KHDRBS3: variants seen among roughly 807,000 people sequenced by gnomAD.
KHDRBS3 encodes the protein KH RNA binding domain containing, signal transduction associated 3.
A neutral mutation model predicts 45.6 loss-of-function variants in KHDRBS3; 23 were observed. The observed-to-expected ratio is 0.50, with a 90% CI of 0.36 to 0.72. The LOEUF is 0.72. Among genes scored for constraint, KHDRBS3 ranks in the 30% least tolerant of loss-of-function variants. KHDRBS3 has a pLI of 0.00. For synonymous variants in KHDRBS3, 162 were observed against 156.5 expected, an observed-to-expected ratio of 1.04 and a Z score of -0.26; for missense variants, 352 against 424.8, an observed-to-expected ratio of 0.83 and a Z score of 1.51.
At chr8:135,590,108 G>A (rs1828679401) in intron 6 of KHDRBS3, among the ~76,000 whole-genome samples, 1 of 152,182 alleles carries the variant, frequency 6.6e-6, no homozygotes, top group Non-Finnish European at 1.5e-5. Context: ...AAACTTAGAT[G>A]GTAGAGCCCA....
chr8:135,533,837 A>G (rs750667636), intron 2 of KHDRBS3, among the ~76,000 whole-genome samples: 2 of 152,204 alleles, frequency 1.3e-5, no homozygotes, highest in Non-Finnish European at 2.9e-5. Flanking sequence ...TACCTTAAAT[A>G]TGTTCGGAAC....
intron 7 of KHDRBS3, among the ~76,000 whole-genome samples, chr8:135,623,858 A>T (rs1263418016): frequency 6.6e-6 from 1 of 152,218 alleles, no homozygotes; most frequent in Non-Finnish European, 1.5e-5. Context: ...CTTTCTACAC[A>T]CATTTTAGGA....
chr8:135,556,824 G>A (rs1338522773), intron 4 of KHDRBS3, among the ~76,000 whole-genome samples: 2 of 152,150 alleles, frequency 1.3e-5, no homozygotes, highest in African/African-American at 4.8e-5. Flanking sequence ...CACTCCTAGA[G>A]TTTCGTAGTT....
chr8:135,530,407 G>A (rs530021021), intron 2 of KHDRBS3, among the ~76,000 whole-genome samples: 12 of 152,256 alleles, frequency 7.9e-5, no homozygotes, highest in Middle Eastern at 3.4e-3. Flanking sequence ...AATTCATGCC[G>A]TAGATTGAAC....
chr8:135,483,654 G>A (rs1435530467), intron 1 of KHDRBS3, among the ~76,000 whole-genome samples: 3 of 152,186 alleles, frequency 2.0e-5, no homozygotes, highest in Admixed American at 2.0e-4. Flanking sequence ...GGATATTTGT[G>A]TGATGAGGGC....
At chr8:135,588,364 T>TCG (rs899712568) in intron 6 of KHDRBS3, among the ~76,000 whole-genome samples, 22 of 152,228 alleles carry the variant, frequency 1.4e-4, no homozygotes, top group African/African-American at 4.8e-4. Context: ...GCAGCCACCC[T>TCG]CGCGCGGCAC....
At chr8:135,572,791 A>T in intron 5 of KHDRBS3, among the ~76,000 whole-genome samples, 1 of 152,252 alleles carries the variant, frequency 6.6e-6, no homozygotes, top group East Asian at 1.9e-4. Flanking sequence ...TTTAGTCTTC[A>T]TCAGCTCTGA....
At chr8:135,609,417 C>G (rs1829617296) in intron 7 of KHDRBS3, among the ~76,000 whole-genome samples, 1 of 151,880 alleles carries the variant, frequency 6.6e-6, no homozygotes, top group Non-Finnish European at 1.5e-5. Context: ...GCCTCAACCT[C>G]CGGAGTAGCT....
chr8:135,541,597 A>C (rs1826050859), intron 2 of KHDRBS3: 1 of 152,204 alleles, frequency 6.6e-6, no homozygotes, highest in Non-Finnish European at 1.5e-5. Flanking sequence ...ATTGAGGAAC[A>C]ATTTTCTCTC....
chr8:135,577,392 TA>T (rs1380460292), intron 5 of KHDRBS3, among the ~76,000 whole-genome samples: 1 of 152,168 alleles, frequency 6.6e-6, no homozygotes, highest in Non-Finnish European at 1.5e-5. Context: ...TTTATCACCC[TA>T]AGCTATAGTT....
At chr8:135,575,177 T>A (rs1297899373) in intron 5 of KHDRBS3, among the ~76,000 whole-genome samples, 2 of 152,222 alleles carry the variant, frequency 1.3e-5, no homozygotes, top group African/African-American at 2.4e-5. Flanking sequence ...GAAAAAGTGT[T>A]ATTTTTTTCT....
At chr8:135,631,174 C>T (rs1034532878) in intron 7 of KHDRBS3, among the ~76,000 whole-genome samples, 4 of 128,154 alleles carry the variant, frequency 3.1e-5, no homozygotes, top group South Asian at 2.8e-4. Flanking sequence ...TTGCTTGAAC[C>T]GGGGAGGTGG....
At chr8:135,532,337 AC>A (rs1449462674) in intron 2 of KHDRBS3, among the ~76,000 whole-genome samples, 1 of 152,194 alleles carries the variant, frequency 6.6e-6, no homozygotes, top group Non-Finnish European at 1.5e-5. Context: ...GGGAAAATAA[AC>A]CTTGTTTGTT....
intron 1 of KHDRBS3, among the ~76,000 whole-genome samples, chr8:135,473,323 G>A (rs112344694): frequency 1.1e-4 from 17 of 152,092 alleles, no homozygotes; most frequent in African/African-American, 3.6e-4. Flanking sequence ...GCGCTTTGTG[G>A]CTTCCCATCC....
At chr8:135,471,609 C>T (rs1371680891) in intron 1 of KHDRBS3, among the ~76,000 whole-genome samples, 2 of 152,118 alleles carry the variant, frequency 1.3e-5, no homozygotes, top group Non-Finnish European at 2.9e-5. Flanking sequence ...TTTGTTATTC[C>T]GATCTGGTGA....
At chr8:135,651,513 G>A (rs1468980144), downstream of KHDRBS3, among the ~76,000 whole-genome samples, 1 of 152,078 alleles carries the variant, frequency 6.6e-6, no homozygotes, top group Admixed American at 6.5e-5. Context: ...GGTAGGACAA[G>A]GGACATGTAA....
intron 7 of KHDRBS3, among the ~76,000 whole-genome samples, chr8:135,626,525 C>T (rs901268342): frequency 4.6e-5 from 7 of 151,546 alleles, no homozygotes; most frequent in Middle Eastern, 7.0e-3. Flanking sequence ...CAGTGGGGGC[C>T]GGGCGCGGTG....
chr8:135,585,228 C>CAAAAAA (rs35301059), intron 6 of KHDRBS3, among the ~76,000 whole-genome samples: 3 of 96,136 alleles, frequency 3.1e-5, no homozygotes, highest in African/African-American at 4.3e-5. Context: ...GACTCCGTCT[C>CAAAAAA]AAAAAAAAAA....
chr8:135,515,365 TAAAAAAAAAAAAAAAAAAAA>T (rs59502823), intron 1 of KHDRBS3, among the ~76,000 whole-genome samples: 44 of 39,742 alleles, frequency 1.1e-3, no homozygotes, highest in African/African-American at 1.8e-3. Flanking sequence ...GACTCCGTCT[TAAAAAAAAAAAAAAAAAAAA>T]AAAAAAAAAA....
Sources: gnomAD v4.1 joint callset for allele counts (sites outside exome capture counted in the v4.1 genomes callset) on GRCh38, gnomAD v4.1.1 for gene constraint, MANE v1.5 for transcripts, NCBI Gene and HGNC (gene_info 2026-07-23, HGNC 2026-07-21) for gene names.